Variants in RANBP2 observed in about 807,000 individuals in gnomAD.
The protein encoded by RANBP2 is E3 SUMO-protein ligase RanBP2.
RANBP2 carries 57 observed loss-of-function variants against 303.6 expected under a neutral mutation model. The observed-to-expected ratio is 0.19, with a 90% CI of 0.15 to 0.23. The LOEUF is 0.23. RANBP2 is among the 10% of genes least tolerant of loss of function. The probability of loss-of-function intolerance (pLI) is 1.00; values close to 1 mark genes in which losing one functional copy is unlikely to be tolerated. For synonymous variants in RANBP2, 1,167 were observed against 1,301.5 expected, an observed-to-expected ratio of 0.90 and a Z score of 2.23; for missense variants, 3,138 against 3,780.8, an observed-to-expected ratio of 0.83 and a Z score of 4.46.
the RANBP2 span, among the ~76,000 whole-genome samples, chr2:109,270,698 C>T: frequency 6.6e-6 from 1 of 152,196 alleles, no homozygotes; most frequent in African/African-American, 2.4e-5. Context: ...CAGGTGGTGT[C>T]TGGAGCATCC....
chr2:109,400,944 C>G, the RANBP2 span, among the ~76,000 whole-genome samples: 1 of 152,228 alleles, frequency 6.6e-6, no homozygotes, highest in Non-Finnish European at 1.5e-5. Flanking sequence ...AACTCCACTC[C>G]TGACCTGGGC....
chr2:109,564,845 A>G, the RANBP2 span, among the ~76,000 whole-genome samples: 1 of 152,256 alleles, frequency 6.6e-6, no homozygotes, highest in African/African-American at 2.4e-5. Context: ...TTTCACACTA[A>G]TATTTTGTTA....
At chr2:109,428,134 C>A in the RANBP2 span, among the ~76,000 whole-genome samples, 1 of 152,198 alleles carries the variant, frequency 6.6e-6, no homozygotes. Flanking sequence ...AGGAAGCACA[C>A]GCCTCCCTAA....
chr2:109,143,395 A>G, the RANBP2 span, among the ~76,000 whole-genome samples: 1,191 of 152,268 alleles, frequency 7.8e-3, 12 homozygotes, highest in East Asian at 0.034. Context: ...AGCATTATTC[A>G]CAGGGCCAAT....
the RANBP2 span, among the ~76,000 whole-genome samples, chr2:109,514,824 C>T: frequency 9.8e-5 from 15 of 152,320 alleles, no homozygotes; most frequent in African/African-American, 3.6e-4. Context: ...GGGCTGCCCC[C>T]CAGGCCCTGG....
chr2:109,216,958 C>A, the RANBP2 span, among the ~76,000 whole-genome samples: 3 of 152,316 alleles, frequency 2.0e-5, no homozygotes, highest in African/African-American at 7.2e-5. Flanking sequence ...TTCCTCCACC[C>A]TCCAGGCCCT....
At chr2:108,824,254 CTG>C in the RANBP2 span, among the ~76,000 whole-genome samples, 5 of 151,960 alleles carry the variant, frequency 3.3e-5, no homozygotes, top group South Asian at 4.2e-4. Flanking sequence ...CTTTTTGACT[CTG>C]TAATATTAAC....
the RANBP2 span, among the ~76,000 whole-genome samples, chr2:109,008,095 C>A: frequency 6.6e-6 from 1 of 152,232 alleles, no homozygotes; most frequent in Non-Finnish European, 1.5e-5. Flanking sequence ...TGGCCCCACA[C>A]TGACACACGA....
chr2:108,763,203 A>G, intron 19 of RANBP2, 34 bp from the exon 20 acceptor site: 3 of 1,599,486 alleles, frequency 1.9e-6, no homozygotes, highest in Non-Finnish European at 1.7e-6. Flanking sequence ...TTTTGTAGAC[A>G]ATCTACAAAA....
the RANBP2 span, among the ~76,000 whole-genome samples, chr2:109,005,994 T>C: frequency 1.3e-5 from 2 of 152,170 alleles, no homozygotes; most frequent in African/African-American, 2.4e-5. Flanking sequence ...CATGAGCCAG[T>C]GGGTCACGTG....
At chr2:109,680,617 A>G in the RANBP2 span, among the ~76,000 whole-genome samples, 1 of 152,180 alleles carries the variant, frequency 6.6e-6, no homozygotes, top group Non-Finnish European at 1.5e-5. Context: ...ACTTATTATT[A>G]TCACCATCAC....
the RANBP2 span, among the ~76,000 whole-genome samples, chr2:109,459,105 G>T: frequency 3.3e-5 from 5 of 152,076 alleles, no homozygotes; most frequent in Admixed American, 6.5e-5. Context: ...TTTGAGTGGT[G>T]CTTCGTCTTC....
the RANBP2 span, among the ~76,000 whole-genome samples, chr2:109,277,793 C>A: frequency 6.6e-6 from 1 of 152,134 alleles, no homozygotes. Context: ...AAATTAAGTT[C>A]TTATACCTGG....
At chr2:108,960,833 C>T in the RANBP2 span, among the ~76,000 whole-genome samples, 1 of 152,142 alleles carries the variant, frequency 6.6e-6, no homozygotes, top group African/African-American at 2.4e-5. Context: ...TTTAATGAGC[C>T]TCTTCATTTG....
At chr2:109,203,680 A>G in the RANBP2 span, among the ~76,000 whole-genome samples, 1 of 151,738 alleles carries the variant, frequency 6.6e-6, no homozygotes, top group Non-Finnish European at 1.5e-5. Flanking sequence ...GTCTCTGTGC[A>G]CCCTGCACTT....
chr2:108,771,440 A>T (rs1446750702), intron 20 of RANBP2, among the ~76,000 whole-genome samples: 1 of 152,174 alleles, frequency 6.6e-6, no homozygotes, highest in African/African-American at 2.4e-5. Flanking sequence ...TTCAATGACT[A>T]TTAAGTAAAC....
chr2:108,900,179 AAC>A, the RANBP2 span, among the ~76,000 whole-genome samples: 1 of 152,222 alleles, frequency 6.6e-6, no homozygotes, highest in Non-Finnish European at 1.5e-5. Context: ...AGAAATGAAA[AAC>A]AGAGACAACA....
At chr2:109,532,903 C>T in the RANBP2 span, among the ~76,000 whole-genome samples, 2 of 152,170 alleles carry the variant, frequency 1.3e-5, no homozygotes. Context: ...CCTAAAATCT[C>T]CTGCTTCCTT....
At chr2:109,027,493 C>T in the RANBP2 span, among the ~76,000 whole-genome samples, 340 of 152,246 alleles carry the variant, frequency 2.2e-3, 1 homozygote, top group African/African-American at 7.9e-3. Flanking sequence ...CCTGTGGAGC[C>T]TGACATGAAG....
Sources: allele counts gnomAD v4.1 joint callset (sites outside exome capture counted in the v4.1 genomes callset), GRCh38; gene constraint gnomAD v4.1.1; transcripts MANE v1.5; gene names NCBI Gene and HGNC (gene_info 2026-07-23, HGNC 2026-07-21).